Variants in TFAP2D observed in about 807,000 individuals in gnomAD.
The protein encoded by TFAP2D is transcription factor AP-2-delta.
Under a neutral mutation model 43.6 loss-of-function variants are expected in TFAP2D, and 9 were observed. The observed-to-expected ratio is 0.21, with a 90% CI of 0.12 to 0.36. The LOEUF (loss-of-function observed/expected upper bound fraction) is 0.36. TFAP2D is among the 10% of genes least tolerant of loss of function. The pLI is 1.00. For missense variants in TFAP2D, 513 were observed against 561.4 expected, an observed-to-expected ratio of 0.91 and a Z score of 0.87; for synonymous variants, 256 against 224.9, an observed-to-expected ratio of 1.14 and a Z score of -1.24.
chr6:50,765,505 AT>A (rs1769429104), intron 7 of TFAP2D, among the ~76,000 whole-genome samples: 1 of 152,128 alleles, frequency 6.6e-6, no homozygotes, highest in South Asian at 2.1e-4. Flanking sequence ...GTTAACTTTT[AT>A]CTACACCCTC....
At chr6:50,769,973 G>T (rs1191161177) in intron 7 of TFAP2D, among the ~76,000 whole-genome samples, 1 of 152,150 alleles carries the variant, frequency 6.6e-6, no homozygotes, top group Non-Finnish European at 1.5e-5. Flanking sequence ...AAATAATATT[G>T]TATATTCTGC....
At chr6:50,721,536 C>A (rs1581758959) in intron 3 of TFAP2D, among the ~76,000 whole-genome samples, 1 of 152,216 alleles carries the variant, frequency 6.6e-6, no homozygotes, top group African/African-American at 2.4e-5. Context: ...CATCTCAGAA[C>A]TTCCTTTTAC....
chr6:50,761,121 A>G (rs982530638), intron 7 of TFAP2D, among the ~76,000 whole-genome samples: 3 of 151,724 alleles, frequency 2.0e-5, no homozygotes, highest in Middle Eastern at 3.4e-3. Context: ...TCAGTATGCA[A>G]TTCTAGAAAT....
chr6:50,746,608 A>G (rs1769128193), intron 6 of TFAP2D, among the ~76,000 whole-genome samples: 1 of 152,204 alleles, frequency 6.6e-6, no homozygotes, highest in Admixed American at 6.6e-5. Flanking sequence ...GAAACTGATA[A>G]CAAGTAATTA....
chr6:50,755,357 T>G (rs1769249255), intron 7 of TFAP2D, among the ~76,000 whole-genome samples: 1 of 151,850 alleles, frequency 6.6e-6, no homozygotes, highest in Admixed American at 6.6e-5. Flanking sequence ...TTGCTTAGCC[T>G]TGAAATATAC....
At chr6:50,739,872 A>G (rs890971560) in intron 5 of TFAP2D, among the ~76,000 whole-genome samples, 2 of 152,222 alleles carry the variant, frequency 1.3e-5, no homozygotes, top group African/African-American at 4.8e-5. Context: ...ACTTTGAAAC[A>G]CAAAGTGTTG....
Position 50,772,791 on chromosome 6 carries a change from A to T in TFAP2D, c.1286A>T (p.Asn429Ile), listed in dbSNP as rs1024808673. 5.6e-6 allele frequency: 9 copies of T among 1,614,116 alleles called. No individual in the cohort carries two copies. Among genetic ancestry groups the T allele is most frequent in the Non-Finnish European group, 7.6e-6 (9 of 1,180,008 alleles). Residue 429 changes from asparagine to isoleucine, a missense_variant, in exon 8 of 8, where the codon AAC becomes ATC. By Grantham distance (149) the Asn-to-Ile change is moderately radical (BLOSUM62 -3). Transcript: ENST00000008391. ...GAADSGQGHA[N>I]SEKAPLRKTS... ...GCGGATTCTGGCCAAGGACATGCCA[A>T]CTCGGAGAAAGCTCCCCTGCGGAAA...
intron 3 of TFAP2D, among the ~76,000 whole-genome samples, chr6:50,720,486 A>AACACACACACACACAC (rs59484837): frequency 7.2e-6 from 1 of 139,068 alleles, no homozygotes; most frequent in Non-Finnish European, 1.5e-5. Context: ...TGGAGATTAA[A>AACACACACACACACAC]ACACACACAC....
intron 3 of TFAP2D, among the ~76,000 whole-genome samples, chr6:50,725,778 T>A (rs906518423): frequency 6.6e-6 from 1 of 152,168 alleles, no homozygotes; most frequent in African/African-American, 2.4e-5. Flanking sequence ...GACCTACTAC[T>A]TTTTTCCACC....
chr6:50,727,062 G>A (rs1482787036), intron 3 of TFAP2D, among the ~76,000 whole-genome samples: 2 of 152,198 alleles, frequency 1.3e-5, no homozygotes, highest in African/African-American at 2.4e-5. Flanking sequence ...TTTTGGCAGA[G>A]TGCACAGGAC....
At chr6:50,725,821 A>G (rs1368647946) in intron 3 of TFAP2D, among the ~76,000 whole-genome samples, 1 of 152,220 alleles carries the variant, frequency 6.6e-6, no homozygotes, top group Non-Finnish European at 1.5e-5. Flanking sequence ...GAAGAAAGAT[A>G]TCAGGTTCCC....
Position 50,719,125 on chromosome 6 carries a change from T to A in TFAP2D, c.573T>A (p.Asn191Lys). The A allele has an allele frequency of 6.2e-7, 1 of 1,614,020 alleles. No individual in the cohort carries two copies. Among genetic ancestry groups the A allele is most frequent in the African/African-American group, 1.3e-5 (1 of 75,028 alleles). ...SVEAQCGLVL[N>K]GQGGVIRRGG... ...AGGCCCAGTGTGGGCTTGTTCTCAA[T>A]GGCCAAGGTGGAGTGATAAGAAGAG... The change falls in exon 3 of 8, where the codon AAT becomes AAA. Residue 191 changes from asparagine (N) to lysine (K), a missense_variant. Physicochemically the swap from Asn to Lys is moderately conservative, Grantham distance 94. Around this residue, in one of 3 missense-constraint regions of TFAP2D, gnomAD observed 311 missense variants for 316.2 expected, o/e 0.98. Transcript: ENST00000008391.
intron 5 of TFAP2D, among the ~76,000 whole-genome samples, chr6:50,733,065 G>A (rs375932903): frequency 2.6e-5 from 4 of 151,906 alleles, no homozygotes; most frequent in South Asian, 2.1e-4. Flanking sequence ...TTGTACCTAC[G>A]AACTAATAGG....
intron 6 of TFAP2D, among the ~76,000 whole-genome samples, chr6:50,746,243 GT>G (rs1421475676): frequency 6.6e-6 from 1 of 151,946 alleles, no homozygotes; most frequent in Admixed American, 6.6e-5. Flanking sequence ...TTGTTTGTTT[GT>G]TTGTTTGTTT....
intron 5 of TFAP2D, among the ~76,000 whole-genome samples, chr6:50,743,834 A>G (rs1438173722): frequency 6.6e-6 from 1 of 152,168 alleles, no homozygotes; most frequent in East Asian, 1.9e-4. Flanking sequence ...TGAAAAGATT[A>G]TAGGTAATAT....
chr6:50,714,928 A>T (rs541950358), intron 1 of TFAP2D, among the ~76,000 whole-genome samples, 188 bp from the exon 2 acceptor site: 46 of 152,008 alleles, frequency 3.0e-4, no homozygotes, highest in Admixed American at 1.5e-3. Flanking sequence ...GCCCACCCCC[A>T]GTTCGCCTGT....
chr6:50,758,883 G>T (rs567753095), intron 7 of TFAP2D, among the ~76,000 whole-genome samples: 33 of 152,054 alleles, frequency 2.2e-4, no homozygotes, highest in Non-Finnish European at 3.8e-4. Context: ...GCTAAAACTG[G>T]ATTTTTACAA....
At chr6:50,730,133 C>T (rs1366690035) in intron 5 of TFAP2D, among the ~76,000 whole-genome samples, 1 of 152,102 alleles carries the variant, frequency 6.6e-6, no homozygotes, top group Non-Finnish European at 1.5e-5. Context: ...ACCTGTGTTA[C>T]TTCATACATC....
chr6:50,714,512 G>A (rs1161603678), intron 1 of TFAP2D, among the ~76,000 whole-genome samples: 1 of 152,096 alleles, frequency 6.6e-6, no homozygotes. Context: ...AAGGGAAGCA[G>A]AAAAGAGGGA....
Sources: allele counts gnomAD v4.1 joint callset (sites outside exome capture counted in the v4.1 genomes callset), GRCh38; gene constraint gnomAD v4.1.1; regional missense constraint gnomAD v4.1.1; transcripts MANE v1.5; gene names NCBI Gene and HGNC (gene_info 2026-07-23, HGNC 2026-07-21).